PPP2R3A: variants seen among roughly 807,000 people sequenced by gnomAD.
PPP2R3A encodes protein phosphatase 2 regulatory subunit B''alpha.
In PPP2R3A, 80 loss-of-function variants were observed where a neutral mutation model predicts 106.9. The observed-to-expected ratio is 0.75, with a 90% CI of 0.62 to 0.90. The LOEUF (loss-of-function observed/expected upper bound fraction) is 0.90. Among genes scored for constraint, PPP2R3A ranks in the 40% least tolerant of loss-of-function variants. The probability of loss-of-function intolerance (pLI) is 0.00; values close to 1 mark genes in which losing one functional copy is unlikely to be tolerated. For missense variants in PPP2R3A, 1,386 were observed against 1,350.4 expected, an observed-to-expected ratio of 1.03 and a Z score of -0.41; for synonymous variants, 483 against 468.3, an observed-to-expected ratio of 1.03 and a Z score of -0.41.
intron 1 of PPP2R3A, among the ~76,000 whole-genome samples, chr3:135,989,940 A>T (rs1239870495): frequency 6.6e-6 from 1 of 152,202 alleles, no homozygotes; most frequent in Non-Finnish European, 1.5e-5. Flanking sequence ...GCCCAAAAGG[A>T]TATTTACAAA....
intron 5 of PPP2R3A, among the ~76,000 whole-genome samples, chr3:136,057,214 C>T (rs1262016544): frequency 6.6e-6 from 1 of 152,096 alleles, no homozygotes; most frequent in Non-Finnish European, 1.5e-5. Context: ...ATAAGTATAT[C>T]TGCACTCTGT....
At chr3:136,068,537 T>G (rs561196466) in intron 5 of PPP2R3A, among the ~76,000 whole-genome samples, 40 of 149,996 alleles carry the variant, frequency 2.7e-4, no homozygotes, top group Non-Finnish European at 5.0e-4. Flanking sequence ...ATAAAAGAAA[T>G]AAATAGGAGA....
At chr3:136,033,909 G>A (rs563726088) in intron 3 of PPP2R3A, among the ~76,000 whole-genome samples, 1 of 150,162 alleles carries the variant, frequency 6.7e-6, no homozygotes, top group Non-Finnish European at 1.5e-5. Flanking sequence ...GTTCTGCTCT[G>A]ATCCTGGTCA....
chr3:135,999,827 G>A (rs1308347784), intron 1 of PPP2R3A, among the ~76,000 whole-genome samples: 1 of 152,006 alleles, frequency 6.6e-6, no homozygotes, highest in African/African-American at 2.4e-5. Flanking sequence ...AGGCTGGAGT[G>A]CAGTGGCGTG....
chr3:136,024,206 A>G (rs1934568764), intron 2 of PPP2R3A, among the ~76,000 whole-genome samples: 1 of 152,150 alleles, frequency 6.6e-6, no homozygotes, highest in Non-Finnish European at 1.5e-5. Flanking sequence ...CACTGTATCC[A>G]AAGTGAGCAG....
intron 4 of PPP2R3A, 108 bp from the exon 5 acceptor site, chr3:136,049,151 T>A: frequency 1.3e-6 from 1 of 757,714 alleles, no homozygotes; most frequent in Non-Finnish European, 2.2e-6. Flanking sequence ...CTTACTTGAT[T>A]GTTGATCTGA....
At chr3:135,985,676 A>G (rs1932891482) in intron 1 of PPP2R3A, among the ~76,000 whole-genome samples, 1 of 152,160 alleles carries the variant, frequency 6.6e-6, no homozygotes, top group South Asian at 2.1e-4. Flanking sequence ...GCATCTCCAG[A>G]TGTATGGTTA....
chr3:136,013,568 G>T (rs760260883), intron 2 of PPP2R3A, among the ~76,000 whole-genome samples: 1 of 151,844 alleles, frequency 6.6e-6, no homozygotes, highest in African/African-American at 2.4e-5. Context: ...AGGTGGTATC[G>T]CATTGTGGTT....
intron 7 of PPP2R3A, among the ~76,000 whole-genome samples, chr3:136,079,615 G>A (rs1432940969): frequency 1.3e-5 from 2 of 151,660 alleles, no homozygotes; most frequent in Non-Finnish European, 2.9e-5. Flanking sequence ...CACTGTGTTG[G>A]CCAGGCTGGT....
intron 5 of PPP2R3A, among the ~76,000 whole-genome samples, chr3:136,049,788 G>A (rs1935617020): frequency 6.6e-6 from 1 of 152,302 alleles, no homozygotes. Flanking sequence ...TCACTCTCAC[G>A]AACTCTGGGG....
chr3:136,059,863 CA>C (rs1166890413), intron 5 of PPP2R3A, among the ~76,000 whole-genome samples: 2 of 152,182 alleles, frequency 1.3e-5, no homozygotes, highest in Non-Finnish European at 2.9e-5. Context: ...TTACCCTTAG[CA>C]AACCTAACAC....
chr3:136,028,411 A>T (rs1934742834), intron 3 of PPP2R3A, among the ~76,000 whole-genome samples: 1 of 152,206 alleles, frequency 6.6e-6, no homozygotes, highest in East Asian at 1.9e-4. Context: ...TGAAAAACAA[A>T]CTCATTCCAG....
chr3:136,048,060 C>T (rs1313964604), intron 4 of PPP2R3A, among the ~76,000 whole-genome samples: 2 of 151,962 alleles, frequency 1.3e-5, no homozygotes, highest in Non-Finnish European at 2.9e-5. Flanking sequence ...ACTGAGTATA[C>T]CTTTGTAACA....
intron 6 of PPP2R3A, among the ~76,000 whole-genome samples, chr3:136,073,073 T>C (rs1034003106): frequency 1.4e-4 from 21 of 152,166 alleles, no homozygotes; most frequent in Non-Finnish European, 3.1e-4. Flanking sequence ...GTTCACGCCA[T>C]TCTCCTGCCT....
At chr3:136,052,580 C>A (rs1022391822) in intron 5 of PPP2R3A, among the ~76,000 whole-genome samples, 3 of 152,172 alleles carry the variant, frequency 2.0e-5, no homozygotes, top group African/African-American at 7.2e-5. Flanking sequence ...ACAGTGAATT[C>A]TTTTTCCTGT....
At chr3:136,113,512 G>T (rs1656783065) in intron 13 of PPP2R3A, among the ~76,000 whole-genome samples, 1 of 152,110 alleles carries the variant, frequency 6.6e-6, no homozygotes, top group Middle Eastern at 3.2e-3. Context: ...TGTAAGGCTG[G>T]CCATGGTGAC....
At chr3:136,056,370 A>T (rs1378519262) in intron 5 of PPP2R3A, among the ~76,000 whole-genome samples, 1 of 152,228 alleles carries the variant, frequency 6.6e-6, no homozygotes, top group Non-Finnish European at 1.5e-5. Context: ...AATTTTAACA[A>T]GTGGACCATA....
At chr3:136,007,784 C>G (rs894498299) in intron 2 of PPP2R3A, among the ~76,000 whole-genome samples, 15 of 152,078 alleles carry the variant, frequency 9.9e-5, no homozygotes, top group African/African-American at 3.6e-4. Flanking sequence ...GTCCTTTTGC[C>G]CATTCTTAGA....
At chr3:136,043,131 A>T (rs1440098515) in intron 4 of PPP2R3A, among the ~76,000 whole-genome samples, 6 of 146,104 alleles carry the variant, frequency 4.1e-5, no homozygotes, top group Non-Finnish European at 7.6e-5. Context: ...ACATAATCTT[A>T]AAAAAAAAAA....
Sources: allele counts gnomAD v4.1 joint callset (sites outside exome capture counted in the v4.1 genomes callset), GRCh38; gene constraint gnomAD v4.1.1; transcripts MANE v1.5; gene names NCBI Gene and HGNC (gene_info 2026-07-23, HGNC 2026-07-21).